Variants in MVD observed in about 807,000 individuals in gnomAD.
The protein encoded by MVD is diphosphomevalonate decarboxylase.
In MVD, 52 loss-of-function variants were observed where a neutral mutation model predicts 42.4. That is an observed-to-expected ratio of 1.23 (90% CI 0.98 to 1.55). MVD has a LOEUF of 1.55. Among genes scored for constraint, MVD ranks in the 40% most tolerant of loss-of-function variants. The probability of loss-of-function intolerance (pLI) is 0.00; values close to 1 mark genes in which losing one functional copy is unlikely to be tolerated. For missense variants in MVD, 663 were observed against 572.1 expected (o/e 1.16, Z -1.62); for synonymous variants, 287 against 243.2 (o/e 1.18, Z -1.68).
In MVD at chr16:88,653,487, G is replaced by A. The variant is rs981669454; in HGVS notation, c.1014-79C>T. On this transcript the variant is annotated intron_variant, in intron 8 of 9. Coordinates refer to ENST00000301012, the MANE Select transcript of MVD (RefSeq NM_002461.3). ...CAACAGTCTACAACAGGCAAGTCCA[G>A]AGATGGGAAGTGCATTCCTGGCCGT... The A allele has an allele frequency of 6.6e-6, 8 of 1,213,058 alleles. No homozygotes were observed. The African/African-American group carries it at 1.3e-4, about 19-fold the overall frequency. 75.1% of individuals were successfully genotyped at this position (1,213,058 alleles called of 1,614,324 possible). A position where few individuals can be genotyped will look rare whatever the true frequency, so the allele number is the denominator to read the frequency against.
At chr16:88,657,309 G>C (rs1421952621) in intron 4 of MVD, 127 bp downstream of exon 4, 4 of 1,305,924 alleles carry the variant, frequency 3.1e-6, no homozygotes, top group Non-Finnish European at 4.2e-6. Context: ...AGAGAGGCCA[G>C]GGAGGCCTGG....
intron 1 of MVD, among the ~76,000 whole-genome samples, chr16:88,659,898 C>T (rs1366897363): frequency 2.0e-5 from 3 of 150,696 alleles, no homozygotes; most frequent in Non-Finnish European, 4.4e-5. Flanking sequence ...ACCTGGGAGG[C>T]GGAGGTTGCA....
intron 8 of MVD, among the ~76,000 whole-genome samples, 188 bp downstream of exon 8, chr16:88,654,504 C>T (rs770436286): frequency 1.3e-5 from 2 of 152,190 alleles, no homozygotes; most frequent in African/African-American, 2.4e-5. Flanking sequence ...TCTCTTTCTT[C>T]CCTGTGGACG....
rs910459581 is a variant in MVD at position 88,655,698 on chromosome 16, G to C, written c.636C>G (p.Thr212=). 1 of 1,560,264 alleles carries C rather than the reference G, an allele frequency of 6.4e-7. No individual in the cohort carries two copies. The part of the protein sequence containing the change: ...VSAEKKLTGS[T]VGMRASVETS... Reference sequence around the variant, plus strand: ...TCTCCACACTGGCCCGCATGCCCACGGTACTGCCTGTCAGCTTCTTCTCAG... The same window carrying C: ...TCTCCACACTGGCCCGCATGCCCACCGTACTGCCTGTCAGCTTCTTCTCAG... The change falls in exon 6 of 10, where the codon ACC becomes ACG. Residue 212 remains threonine, a synonymous_variant. Coordinates refer to ENST00000301012, the MANE Select transcript of MVD (RefSeq NM_002461.3).
rs969969487 is a variant in MVD, at chr16:88,656,296, G to C, written c.412C>G (p.Leu138Val). Residue 138 changes from leucine (L) to valine (V), a missense_variant, in exon 5 of 10, where the codon CTG becomes GTG. Transcript: ENST00000301012. ...AAGYACLAYT[L>V]ARVYGVESDL... The stretch of plus-strand genomic sequence containing the variant: ...CTCTCCACGCCGTAGACACGGGCCA[G>C]GGTGTAGGCTGCAGGCATGCGGATT... 3 of 1,599,374 alleles carry C rather than the reference G, an allele frequency of 1.9e-6. No individual in the cohort carries two copies. Among genetic ancestry groups the C allele is most frequent in the Admixed American group, 1.7e-5 (1 of 60,004 alleles).
intron 1 of MVD, among the ~76,000 whole-genome samples, chr16:88,660,226 C>T (rs1454556938): frequency 1.3e-5 from 2 of 152,192 alleles, no homozygotes; most frequent in African/African-American, 2.4e-5. Flanking sequence ...ACCTGGACTT[C>T]TGCCTCCTTA....
intron 1 of MVD, among the ~76,000 whole-genome samples, chr16:88,661,234 C>G (rs569789211): frequency 6.6e-6 from 1 of 152,204 alleles, no homozygotes; most frequent in Non-Finnish European, 1.5e-5. Flanking sequence ...TAGGGCTAAG[C>G]AAAGAGGTCT....
At chr16:88,655,489 G>C in intron 6 of MVD, 72 bp from the exon 7 acceptor site, 1 of 1,522,460 alleles carries the variant, frequency 6.6e-7, no homozygotes, top group East Asian at 2.4e-5. Flanking sequence ...GAGAGACTCC[G>C]GGGTTGGAGG....
intron 1 of MVD, among the ~76,000 whole-genome samples, chr16:88,662,379 A>C (rs1415867684): frequency 1.3e-5 from 2 of 152,248 alleles, no homozygotes; most frequent in East Asian, 3.8e-4. Flanking sequence ...CTGCGATTCC[A>C]GTTTCAGAAC....
At chr16:88,652,706 G>A (rs533420207) in intron 9 of MVD, 101 bp from the exon 10 acceptor site, 149 of 1,156,356 alleles carry the variant, frequency 1.3e-4, no homozygotes, top group East Asian at 2.6e-4. Flanking sequence ...GTGTGCCCCC[G>A]CCCTTCCTGT....
chr16:88,653,475 C>T, intron 8 of MVD, 67 bp from the exon 9 acceptor site: 1 of 1,303,676 alleles, frequency 7.7e-7, no homozygotes, highest in Admixed American at 2.6e-5. Flanking sequence ...CAGTCTACAA[C>T]AGGCAAGTCC....
At chr16:88,659,968 C>A (rs1908185667) in intron 1 of MVD, among the ~76,000 whole-genome samples, 1 of 135,638 alleles carries the variant, frequency 7.4e-6, no homozygotes, top group Admixed American at 7.7e-5. Context: ...CAGAGGGAGA[C>A]CCTTTCTCAA....
intron 4 of MVD, chr16:88,656,865 T>G: frequency 3.8e-6 from 1 of 263,870 alleles, no homozygotes. Flanking sequence ...CCCCTGGAGT[T>G]GAGGGGTGAA....
chr16:88,657,876 A>T, intron 3 of MVD, 39 bp downstream of exon 3: 1 of 1,582,804 alleles, frequency 6.3e-7, no homozygotes, highest in Non-Finnish European at 8.7e-7. Context: ...GACCCTGCTG[A>T]CAACAGGGAG....
intron 1 of MVD, 38 bp downstream of exon 1, chr16:88,662,973 C>T (rs574521561): frequency 6.3e-7 from 1 of 1,577,922 alleles, no homozygotes; most frequent in Non-Finnish European, 8.6e-7. Context: ...GGCCTCGCTC[C>T]CGGCCATCCC....
rs1907790930 is a variant in MVD at position 88,654,691 on chromosome 16, CG to C, written c.1013del (p.Thr338SerfsTer3). ...HGFPPGSNGD[T>X]FLKGLQVRPA... The stretch of plus-strand genomic sequence containing the variant: ...GGAGGAGGGGCGGGGTCCACACTCA[CG>C]TGTCTCCATTCGAGCCTGGGGGAAA... On this transcript the variant is annotated frameshift_variant and splice_region_variant, in exon 8 of 10. Coordinates refer to ENST00000301012, the MANE Select transcript of MVD (RefSeq NM_002461.3). LOFTEE classifies it high-confidence loss of function. 1 of 1,596,418 alleles carries C rather than the reference CG, an allele frequency of 6.3e-7. No individual in the cohort carries two copies. The highest frequency in any genetic ancestry group is 8.5e-7 in the Non-Finnish European group (1 of 1,174,434).
chr16:88,659,668 A>G (rs1356817928), intron 1 of MVD, among the ~76,000 whole-genome samples: 1 of 152,112 alleles, frequency 6.6e-6, no homozygotes, highest in African/African-American at 2.4e-5. Context: ...GCCTAGCAAC[A>G]CAGAAACAGA....
chr16:88,660,342 G>A (rs1908214978), intron 1 of MVD, among the ~76,000 whole-genome samples: 1 of 152,176 alleles, frequency 6.6e-6, no homozygotes, highest in African/African-American at 2.4e-5. Context: ...AAATGGACAC[G>A]TTTCCATAAA....
At chr16:88,658,102 TGA>T in intron 2 of MVD, 73 bp from the exon 3 acceptor site, 1 of 1,444,850 alleles carries the variant, frequency 6.9e-7, no homozygotes, top group Non-Finnish European at 9.7e-7. Flanking sequence ...CCCTTTCTAC[TGA>T]GAGAGCCTCA....
Sources: gnomAD v4.1 joint callset for allele counts (sites outside exome capture counted in the v4.1 genomes callset) on GRCh38, gnomAD v4.1.1 for gene constraint, MANE v1.5 for transcripts, NCBI Gene and HGNC (gene_info 2026-07-23, HGNC 2026-07-21) for gene names.